OPCML: variants seen among roughly 807,000 people sequenced by gnomAD.
OPCML encodes opioid-binding protein/cell adhesion molecule.
OPCML carries 13 observed loss-of-function variants against 37.8 expected under a neutral mutation model. That is an observed-to-expected ratio of 0.34 (90% CI 0.22 to 0.55). The LOEUF is 0.55. Among genes scored for constraint, OPCML ranks in the 20% least tolerant of loss-of-function variants. The probability of loss-of-function intolerance (pLI) is 0.91; values close to 1 mark genes in which losing one functional copy is unlikely to be tolerated. For missense variants in OPCML, 341 were observed against 435.6 expected (o/e 0.78, Z 1.93); for synonymous variants, 176 against 168.8 (o/e 1.04, Z -0.33).
chr11:132,441,168 T>TTTTTTTTTTTTTTTG (rs2096032271), intron 4 of OPCML, among the ~76,000 whole-genome samples: 2 of 112,714 alleles, frequency 1.8e-5, no homozygotes, highest in Non-Finnish European at 1.9e-5. Flanking sequence ...CTTTTTTGTT[T>TTTTTTTTTTTTTTTG]TTTTTTTTTT....
At chr11:132,946,029 G>A (rs530947568) in intron 1 of OPCML, among the ~76,000 whole-genome samples, 3 of 152,260 alleles carry the variant, frequency 2.0e-5, no homozygotes, top group South Asian at 2.1e-4. Context: ...TGATCCACCC[G>A]CCTCGGCCTC....
chr11:132,754,896 C>T (rs938581095), intron 2 of OPCML, among the ~76,000 whole-genome samples: 45 of 152,090 alleles, frequency 3.0e-4, no homozygotes, highest in African/African-American at 1.1e-3. Flanking sequence ...AAGATTCATC[C>T]ACAGTGTTCT....
intron 3 of OPCML, among the ~76,000 whole-genome samples, chr11:132,541,543 C>T (rs771889651): frequency 2.2e-4 from 32 of 147,964 alleles, no homozygotes; most frequent in Non-Finnish European, 3.4e-4. Context: ...GCCAGCAACT[C>T]TCATTTATTG....
At chr11:133,354,321 G>GTGATGGTGATGCTGGTGGTGA (rs1240901623) in intron 1 of OPCML, among the ~76,000 whole-genome samples, 15 of 32,796 alleles carry the variant, frequency 4.6e-4, no homozygotes, top group African/African-American at 8.8e-4. Flanking sequence ...GGTAGTGGTG[G>GTGATGGTGATGCTGGTGGTGA]TGGTGGTGAT....
intron 7 of OPCML, among the ~76,000 whole-genome samples, chr11:132,432,770 C>A (rs1359210046): frequency 6.6e-6 from 1 of 152,194 alleles, no homozygotes; most frequent in African/African-American, 2.4e-5. Context: ...GGAAGAAATA[C>A]TTTAAACAAA....
intron 1 of OPCML, among the ~76,000 whole-genome samples, chr11:133,175,165 G>A (rs974281266): frequency 8.5e-5 from 13 of 152,216 alleles, no homozygotes; most frequent in African/African-American, 3.1e-4. Context: ...ATCAGTCTGA[G>A]CAGATTTAAA....
intron 1 of OPCML, among the ~76,000 whole-genome samples, chr11:133,041,008 G>A (rs1947883118): frequency 6.6e-6 from 1 of 152,206 alleles, no homozygotes; most frequent in East Asian, 1.9e-4. Context: ...ACTATAAAAG[G>A]CTGAGAAATA....
At position 133,019,760 on chromosome 11, in the gene OPCML, C is replaced by T. The variant is rs775323752; in HGVS notation, c.62-76750G>A. 2.6e-5 allele frequency among the ~76,000 whole-genome samples: 4 copies of T among 152,046 alleles called. No individual in the cohort carries two copies. In the South Asian group the frequency reaches 6.2e-4, roughly 24 times the overall value. On this transcript the variant is annotated intron_variant, in intron 1 of 7. Coordinates refer to ENST00000524381, the MANE Select transcript of OPCML (RefSeq NM_001012393.5). Reference sequence around the variant, plus strand: ...GTATCCCTATGGGCACAGAGTGAAGCGCGCATATGCCAGGGCTTCCTTCTA... The same window carrying T: ...GTATCCCTATGGGCACAGAGTGAAGTGCGCATATGCCAGGGCTTCCTTCTA...
rs200355150 is a variant in OPCML, at chr11:132,755,077, AG to A, written c.147-97759del. 7.6e-3 allele frequency among the ~76,000 whole-genome samples: 1,160 copies of A among 152,304 alleles called. 9 individuals are homozygous for A. The highest frequency in any genetic ancestry group is 0.027 in the African/African-American group (1,115 of 41,576). On this transcript the variant is annotated intron_variant, in intron 2 of 7. Transcript: ENST00000524381. ...TCAAATATATAGAAAATTTGAAATC[AG>A]TGTAAGATTGAACCATAGAAAACTA... is the stretch of plus-strand genomic sequence containing the variant.
chr11:133,348,151 A>G (rs1944043766), intron 1 of OPCML, among the ~76,000 whole-genome samples: 1 of 152,226 alleles, frequency 6.6e-6, no homozygotes, highest in Admixed American at 6.5e-5. Flanking sequence ...CACTGTGACT[A>G]AAGTCTCTGT....
At chr11:133,220,353 A>T (rs1939764201) in intron 1 of OPCML, among the ~76,000 whole-genome samples, 2 of 152,200 alleles carry the variant, frequency 1.3e-5, no homozygotes, top group African/African-American at 4.8e-5. Context: ...CAAGAAGTCC[A>T]TTAGGACAAA....
chr11:133,019,943 T>A (rs1353249737), intron 1 of OPCML, among the ~76,000 whole-genome samples: 4 of 152,242 alleles, frequency 2.6e-5, no homozygotes. Flanking sequence ...CACATGCACA[T>A]GCTGACCCTT....
chr11:133,483,996 G>C (rs187703611), intron 1 of OPCML, among the ~76,000 whole-genome samples: 3 of 151,048 alleles, frequency 2.0e-5, no homozygotes, highest in African/African-American at 7.3e-5. Flanking sequence ...TAGCTAGCTA[G>C]CTAGATAGAT....
intron 3 of OPCML, among the ~76,000 whole-genome samples, chr11:132,593,220 A>C (rs562994347): frequency 6.6e-6 from 1 of 152,264 alleles, no homozygotes; most frequent in Non-Finnish European, 1.5e-5. Context: ...CAACAGCCCC[A>C]CAGAGGGAAA....
intron 4 of OPCML, among the ~76,000 whole-genome samples, chr11:132,495,411 CA>C (rs1219198632): frequency 6.6e-6 from 1 of 152,156 alleles, no homozygotes; most frequent in African/African-American, 2.4e-5. Context: ...GCTCAGAAAT[CA>C]AACTTGAAAG....
intron 4 of OPCML, among the ~76,000 whole-genome samples, chr11:132,491,181 T>TTCCCC (rs766405907): frequency 6.6e-6 from 1 of 152,362 alleles, no homozygotes; most frequent in East Asian, 1.9e-4. Context: ...CCCTAACTTG[T>TTCCCC]TCCCCTCGGT....
intron 4 of OPCML, among the ~76,000 whole-genome samples, chr11:132,469,112 C>T (rs1168468711): frequency 6.6e-6 from 1 of 152,156 alleles, no homozygotes; most frequent in African/African-American, 2.4e-5. Flanking sequence ...CTTCTCTGTT[C>T]TGAGCTGTTT....
chr11:132,546,312 G>A (rs1297392708), intron 3 of OPCML, among the ~76,000 whole-genome samples: 2 of 152,058 alleles, frequency 1.3e-5, no homozygotes, highest in African/African-American at 4.8e-5. Flanking sequence ...GGTTTTGGGG[G>A]GGAACAGGTG....
In OPCML at chr11:132,599,870, T is replaced by G. The variant is rs192582294; in HGVS notation, c.379+57217A>C. 2.2e-3 allele frequency among the ~76,000 whole-genome samples: 340 copies of G among 152,324 alleles called. 3 individuals are homozygous for G. The South Asian group carries it at 0.029, about 13-fold the overall frequency. ...CATAGTATATGCAAACATTTCCTTTTAGGGGAAAATCAGGTTATTTTCTGG... is the reference window on the plus strand; with the variant it reads ...CATAGTATATGCAAACATTTCCTTTGAGGGGAAAATCAGGTTATTTTCTGG... On this transcript the variant is annotated intron_variant, in intron 3 of 7. Coordinates refer to ENST00000524381, the MANE Select transcript of OPCML (RefSeq NM_001012393.5).
Sources: gnomAD v4.1 joint callset for allele counts (sites outside exome capture counted in the v4.1 genomes callset) on GRCh38, gnomAD v4.1.1 for gene constraint, MANE v1.5 for transcripts, NCBI Gene and HGNC (gene_info 2026-07-23, HGNC 2026-07-21) for gene names.